NTNG1: variants seen among roughly 807,000 people sequenced by gnomAD.
The protein encoded by NTNG1 is netrin-G1.
In NTNG1, 16 loss-of-function variants were observed where a neutral mutation model predicts 54.0. The ratio of observed to expected loss-of-function variants is 0.30; its 90% confidence interval spans 0.20 to 0.45. The LOEUF (loss-of-function observed/expected upper bound fraction) is 0.45. Among genes scored for constraint, NTNG1 ranks in the 20% least tolerant of loss-of-function variants. NTNG1 has a pLI of 1.00. For missense variants in NTNG1, 530 were observed against 678.7 expected, an observed-to-expected ratio of 0.78 and a Z score of 2.43; for synonymous variants, 255 against 263.1, an observed-to-expected ratio of 0.97 and a Z score of 0.30.
At chr1:107,275,753 T>C (rs1217891567) in intron 2 of NTNG1, among the ~76,000 whole-genome samples, 1 of 152,192 alleles carries the variant, frequency 6.6e-6, no homozygotes, top group Non-Finnish European at 1.5e-5. Context: ...GGGAGAGAAA[T>C]CTGCTTTACT....
At chr1:107,453,438 G>A (rs1676740808) in intron 7 of NTNG1, among the ~76,000 whole-genome samples, 1 of 152,174 alleles carries the variant, frequency 6.6e-6, no homozygotes, top group Admixed American at 6.5e-5. Context: ...GTAGTTCACT[G>A]GGGATCTTTT....
At chr1:107,161,380 G>A (rs180807001) in intron 2 of NTNG1, among the ~76,000 whole-genome samples, 3 of 152,206 alleles carry the variant, frequency 2.0e-5, no homozygotes, top group African/African-American at 7.2e-5. Flanking sequence ...CAACTTATAG[G>A]CCGGGTGTGG....
At chr1:107,478,005 G>GT (rs1678442782) in intron 7 of NTNG1, among the ~76,000 whole-genome samples, 1 of 152,178 alleles carries the variant, frequency 6.6e-6, no homozygotes, top group Non-Finnish European at 1.5e-5. Context: ...TCTTTGCGGG[G>GT]TTAAGTGCAA....
At chr1:107,363,167 A>G (rs1380057200) in intron 3 of NTNG1, among the ~76,000 whole-genome samples, 8 of 152,234 alleles carry the variant, frequency 5.3e-5, no homozygotes, top group Admixed American at 5.2e-4. Flanking sequence ...TTTTCAAAAG[A>G]AAGCATTTTC....
chr1:107,300,186 A>G (rs184925848), intron 2 of NTNG1, among the ~76,000 whole-genome samples: 7 of 152,298 alleles, frequency 4.6e-5, no homozygotes, highest in Non-Finnish European at 1.0e-4. Flanking sequence ...CGCTGAAAGG[A>G]AGAGTGTTGC....
chr1:107,291,676 A>G (rs1483675766), intron 2 of NTNG1, among the ~76,000 whole-genome samples: 1 of 152,208 alleles, frequency 6.6e-6, no homozygotes, highest in Non-Finnish European at 1.5e-5. Flanking sequence ...TATGTTTCAA[A>G]TGAATAAAAG....
At chr1:107,406,452 G>A (rs1673424245) in intron 4 of NTNG1, among the ~76,000 whole-genome samples, 1 of 152,078 alleles carries the variant, frequency 6.6e-6, no homozygotes, top group Non-Finnish European at 1.5e-5. Context: ...CGATCCTCAC[G>A]GCAGCCCTAT....
At chr1:107,450,067 A>G (rs1055018881) in intron 7 of NTNG1, among the ~76,000 whole-genome samples, 1 of 152,090 alleles carries the variant, frequency 6.6e-6, no homozygotes, top group Admixed American at 6.6e-5. Flanking sequence ...ATTCCTGTTT[A>G]TGTTCAGTTA....
intron 2 of NTNG1, among the ~76,000 whole-genome samples, chr1:107,244,059 G>A (rs1662020987): frequency 1.3e-5 from 2 of 151,978 alleles, no homozygotes; most frequent in Non-Finnish European, 2.9e-5. Context: ...AATAATTGCT[G>A]GAAGCTAAAA....
chr1:107,406,131 T>C (rs1240874018), intron 4 of NTNG1, among the ~76,000 whole-genome samples: 2 of 152,168 alleles, frequency 1.3e-5, no homozygotes, highest in Non-Finnish European at 2.9e-5. Flanking sequence ...ACTTCATTCT[T>C]TCCAGGGTTT....
chr1:107,192,925 CATA>C (rs1249263331), intron 2 of NTNG1, among the ~76,000 whole-genome samples: 1 of 151,984 alleles, frequency 6.6e-6, no homozygotes, highest in African/African-American at 2.4e-5. Flanking sequence ...TAATTTTCAA[CATA>C]ATTAAATTGT....
At chr1:107,209,157 T>C (rs1659427326) in intron 2 of NTNG1, among the ~76,000 whole-genome samples, 1 of 152,004 alleles carries the variant, frequency 6.6e-6, no homozygotes, top group Non-Finnish European at 1.5e-5. Flanking sequence ...CCCATAGCAT[T>C]TGAGTCCTTG....
chr1:107,298,168 G>A (rs957284251), intron 2 of NTNG1, among the ~76,000 whole-genome samples: 34 of 152,040 alleles, frequency 2.2e-4, no homozygotes, highest in African/African-American at 8.0e-4. Context: ...TCTGAATTCT[G>A]GGGATAAAAA....
chr1:107,149,240 T>TACAC (rs1271670771), intron 2 of NTNG1, among the ~76,000 whole-genome samples: 2 of 152,182 alleles, frequency 1.3e-5, no homozygotes, highest in East Asian at 3.8e-4. Context: ...TTTCTTCACA[T>TACAC]ATGTGTATAA....
chr1:107,407,987 T>C (rs912092406), intron 5 of NTNG1: 1 of 634,922 alleles, frequency 1.6e-6, no homozygotes, highest in Non-Finnish European at 2.9e-6. Flanking sequence ...ATTCCTTAGA[T>C]AATCATCATT....
rs779371941 is a variant in NTNG1, at chr1:107,482,351, C to T, written c.*1511C>T. The stretch of plus-strand genomic sequence containing the variant: ...TTAGAGGAAATATCAAAATATAAAG[C>T]AGCAAGTAGACATAACTGCTGTTCC... On this transcript the variant is annotated 3_prime_UTR_variant, in exon 8 of 8. Coordinates refer to ENST00000370068, the MANE Select transcript of NTNG1 (RefSeq NM_001113226.3). 1 of 152,172 alleles carries T rather than the reference C, an allele frequency of 6.6e-6. No individual in the cohort carries two copies. The highest frequency in any genetic ancestry group is 1.5e-5 in the Non-Finnish European group (1 of 68,036). 9.4% of individuals were successfully genotyped at this position (152,172 alleles called of 1,614,324 possible).
At chr1:107,480,035 T>C (rs953216752) in intron 7 of NTNG1, among the ~76,000 whole-genome samples, 7 of 152,134 alleles carry the variant, frequency 4.6e-5, no homozygotes, top group African/African-American at 1.7e-4. Context: ...TCTTCCCATC[T>C]GGCTGCCGCC....
chr1:107,397,898 C>T (rs1672780398), intron 4 of NTNG1, among the ~76,000 whole-genome samples: 1 of 152,016 alleles, frequency 6.6e-6, no homozygotes, highest in South Asian at 2.1e-4. Context: ...TGTAGTACTT[C>T]CAGCCAAGCA....
chr1:107,318,171 G>A (rs1375276209), intron 2 of NTNG1, among the ~76,000 whole-genome samples: 1 of 152,072 alleles, frequency 6.6e-6, no homozygotes, highest in Non-Finnish European at 1.5e-5. Flanking sequence ...GTTTTAAATT[G>A]TGTGCCTCTA....
Sources: gnomAD v4.1 joint callset for allele counts (sites outside exome capture counted in the v4.1 genomes callset) on GRCh38, gnomAD v4.1.1 for gene constraint, MANE v1.5 for transcripts, NCBI Gene and HGNC (gene_info 2026-07-23, HGNC 2026-07-21) for gene names.